The following NHSL1 variants were observed in gnomAD, a reference collection of about 807,000 sequenced individuals.
NHSL1 encodes the protein NHS like 1.
A neutral mutation model predicts 95.0 loss-of-function variants in NHSL1; 48 were observed. That is an observed-to-expected ratio of 0.51 (90% CI 0.40 to 0.64). The LOEUF (loss-of-function observed/expected upper bound fraction) is 0.64. Among genes scored for constraint, NHSL1 ranks in the 30% least tolerant of loss-of-function variants. NHSL1 has a pLI of 0.00. For missense variants in NHSL1, 1,971 were observed against 2,077.7 expected (o/e 0.95, Z 1.00); for synonymous variants, 783 against 833.9 (o/e 0.94, Z 1.05).
At chr6:138,672,390 T>C (rs909543161) in intron 1 of NHSL1, among the ~76,000 whole-genome samples, 3 of 152,200 alleles carry the variant, frequency 2.0e-5, no homozygotes, top group African/African-American at 7.2e-5. Context: ...TTCCCCTTCA[T>C]AGTTATTCCT....
At chr6:138,589,481 C>A (rs1583437014) in intron 1 of NHSL1, among the ~76,000 whole-genome samples, 1 of 152,182 alleles carries the variant, frequency 6.6e-6, no homozygotes, top group African/African-American at 2.4e-5. Context: ...GAGGAGTCAC[C>A]TTCCACCATG....
chr6:138,682,215 AT>A (rs767748850), intron 1 of NHSL1, among the ~76,000 whole-genome samples: 5 of 152,296 alleles, frequency 3.3e-5, no homozygotes, highest in Admixed American at 1.3e-4. Context: ...ATGGGTGGAA[AT>A]GTCTTATGAA....
At chr6:138,643,336 C>T (rs1784980296) in intron 1 of NHSL1, among the ~76,000 whole-genome samples, 1 of 152,210 alleles carries the variant, frequency 6.6e-6, no homozygotes, top group African/African-American at 2.4e-5. Flanking sequence ...TTATCCACAT[C>T]CTCCATGGGG....
chr6:138,437,135 G>A (rs901293023), intron 5 of NHSL1, among the ~76,000 whole-genome samples: 46 of 151,398 alleles, frequency 3.0e-4, no homozygotes, highest in African/African-American at 7.8e-4. Flanking sequence ...TTAGCCAGGC[G>A]TGGTGGCACA....
intron 1 of NHSL1, among the ~76,000 whole-genome samples, chr6:138,621,472 AT>A (rs35502435): frequency 0.14 from 21,087 of 148,752 alleles, 1,889 homozygotes; most frequent in African/African-American, 0.26. Context: ...AGTATCATTG[AT>A]TTTTTTTTTT....
chr6:138,645,041 C>T (rs1342632453), intron 1 of NHSL1, among the ~76,000 whole-genome samples: 1 of 152,214 alleles, frequency 6.6e-6, no homozygotes. Flanking sequence ...CACTGAGGCA[C>T]AGCATGATGT....
intron 1 of NHSL1, among the ~76,000 whole-genome samples, chr6:138,613,910 T>C (rs1784546657): frequency 6.6e-6 from 1 of 152,158 alleles, no homozygotes. Flanking sequence ...ATCAGAATCC[T>C]GAAACCTTCT....
chr6:138,526,935 T>G (rs1312525419), intron 1 of NHSL1, among the ~76,000 whole-genome samples: 1 of 152,204 alleles, frequency 6.6e-6, no homozygotes, highest in Admixed American at 6.5e-5. Flanking sequence ...TCGATAAAGT[T>G]TGTCATTCGT....
chr6:138,607,325 T>C (rs1360090480), intron 1 of NHSL1, among the ~76,000 whole-genome samples: 1 of 152,140 alleles, frequency 6.6e-6, no homozygotes, highest in African/African-American at 2.4e-5. Flanking sequence ...ACATTATTTC[T>C]AAATATACTA....
intron 1 of NHSL1, among the ~76,000 whole-genome samples, chr6:138,507,234 A>C (rs556311364): frequency 6.6e-6 from 1 of 152,342 alleles, no homozygotes; most frequent in East Asian, 1.9e-4. Context: ...CCAAGTACAA[A>C]CATCACCTAT....
At chr6:138,612,109 CA>C (rs368848438) in intron 1 of NHSL1, among the ~76,000 whole-genome samples, 1,593 of 73,458 alleles carry the variant, frequency 0.022, 4 homozygotes, top group Non-Finnish European at 0.031. Flanking sequence ...GACTCCATCT[CA>C]AAAAAAAAAA....
intron 1 of NHSL1, among the ~76,000 whole-genome samples, chr6:138,620,915 G>A (rs984905738): frequency 6.6e-6 from 1 of 152,198 alleles, no homozygotes; most frequent in Non-Finnish European, 1.5e-5. Flanking sequence ...GGAGTAAAGA[G>A]AGAGCAATTC....
upstream of NHSL1, among the ~76,000 whole-genome samples, chr6:138,549,297 T>C (rs773577551): frequency 7.2e-5 from 11 of 152,116 alleles, no homozygotes; most frequent in Non-Finnish European, 1.3e-4. Flanking sequence ...GCAGGAGAAT[T>C]GCTTGAACCT....
upstream of NHSL1, among the ~76,000 whole-genome samples, chr6:138,545,989 G>A (rs895680282): frequency 1.3e-5 from 2 of 152,164 alleles, no homozygotes; most frequent in African/African-American, 4.8e-5. Context: ...CCACCACAGC[G>A]GATGCAGCTC....
intron 1 of NHSL1, among the ~76,000 whole-genome samples, chr6:138,515,244 G>C (rs1185873366): frequency 6.6e-6 from 1 of 152,156 alleles, no homozygotes; most frequent in Non-Finnish European, 1.5e-5. Context: ...CAAAAACTGA[G>C]GCTAACAGGA....
chr6:138,606,912 C>A (rs888010382), intron 1 of NHSL1, among the ~76,000 whole-genome samples: 1 of 151,878 alleles, frequency 6.6e-6, no homozygotes, highest in Non-Finnish European at 1.5e-5. Context: ...ACCATGTTAG[C>A]CAGGATGGTC....
intron 1 of NHSL1, among the ~76,000 whole-genome samples, chr6:138,578,476 A>G (rs1784003691): frequency 1.3e-5 from 2 of 152,232 alleles, no homozygotes; most frequent in South Asian, 4.1e-4. Context: ...AAATGTCCCC[A>G]ACCTAAGGAG....
At chr6:138,490,430 G>A (rs1056624382) in intron 2 of NHSL1, among the ~76,000 whole-genome samples, 3 of 152,106 alleles carry the variant, frequency 2.0e-5, no homozygotes, top group African/African-American at 7.2e-5. Context: ...AGATAAATAA[G>A]ACAGACAAGC....
At chr6:138,509,429 T>C (rs6922771) in intron 1 of NHSL1, among the ~76,000 whole-genome samples, 88,955 of 152,124 alleles carry the variant, frequency 0.58, 27,360 homozygotes, top group East Asian at 0.95. Context: ...CAAGAACCTG[T>C]TTGATTGATG....
Sources: gnomAD v4.1 joint callset for allele counts (sites outside exome capture counted in the v4.1 genomes callset) on GRCh38, gnomAD v4.1.1 for gene constraint, MANE v1.5 for transcripts, NCBI Gene and HGNC (gene_info 2026-07-23, HGNC 2026-07-21) for gene names.